The following AKT1 variants were observed in gnomAD, a reference collection of about 807,000 sequenced individuals.
AKT1 encodes AKT serine/threonine kinase 1.
A neutral mutation model predicts 63.1 loss-of-function variants in AKT1; 21 were observed. The ratio of observed to expected loss-of-function variants is 0.33; its 90% CI spans 0.24 to 0.48. The LOEUF is 0.48. AKT1 is among the 20% of genes least tolerant of loss of function. The probability of loss-of-function intolerance (pLI) is 0.99; values close to 1 mark genes in which losing one functional copy is unlikely to be tolerated. For synonymous variants in AKT1, 257 were observed against 253.1 expected (o/e 1.02, Z -0.15); for missense variants, 382 against 666.0 (o/e 0.57, Z 4.69).
intron 3 of AKT1, among the ~76,000 whole-genome samples, chr14:104,790,666 C>T (rs1893583104): frequency 6.6e-6 from 1 of 152,230 alleles, no homozygotes; most frequent in South Asian, 2.1e-4. Flanking sequence ...CACGCCACCT[C>T]CCATCCTCAG....
At chr14:104,787,265 G>A (rs1893380950) in intron 3 of AKT1, among the ~76,000 whole-genome samples, 2 of 152,160 alleles carry the variant, frequency 1.3e-5, no homozygotes, top group African/African-American at 2.4e-5. Flanking sequence ...GGAAGTAAGG[G>A]GCCTAGGGTT....
chr14:104,780,330 CA>C (rs1367668088), intron 3 of AKT1, 114 bp from the exon 4 acceptor site: 6 of 1,432,566 alleles, frequency 4.2e-6, no homozygotes, highest in South Asian at 1.3e-5. Flanking sequence ...GCCTGAGTCC[CA>C]GGGGGCAGGC....
chr14:104,782,565 G>C (rs543772183), intron 3 of AKT1, among the ~76,000 whole-genome samples: 3 of 152,302 alleles, frequency 2.0e-5, no homozygotes, highest in South Asian at 2.1e-4. Context: ...ACCAGGCGTG[G>C]GGGGTGGGAG....
rs1165092690 is a variant in AKT1 at position 104,773,544 on chromosome 14, C to T, written c.739G>A (p.Glu247Lys). Residue 247 changes from glutamate (E) to lysine (K), a missense_variant, in exon 10 of 15, where the codon GAG (glutamate) becomes AAG (lysine). Coordinates refer to ENST00000649815, the MANE Select transcript of AKT1 (RefSeq NM_001382430.1). ...FHLSRERVFSEDRARFYGAEI... is the reference protein window; with the variant it reads ...FHLSRERVFSKDRARFYGAEI... ...GCGCCATAGAAGCGGGCCCGGTCCT[C>T]GGAGAACACACGCTCCCGGGACAGG... 8.1e-6 allele frequency: 13 copies of T among 1,611,366 alleles called. No individual in the cohort carries two copies. Among genetic ancestry groups the T allele is most frequent in the East Asian group, 2.2e-5 (1 of 44,744 alleles).
rs17846832 is a variant in AKT1, at chr14:104,772,299, G to C, written c.1260+66C>G. On this transcript the variant is annotated intron_variant, in intron 13 of 14. Coordinates refer to ENST00000649815, the MANE Select transcript of AKT1 (RefSeq NM_001382430.1). ...GTGGGAAATCTGGCGAGCGTGCCAC[G>C]TGCATGCGTGAGTGTGGATATGTGG... The C allele has an allele frequency of 0.068, 105,409 of 1,540,434 alleles. 4,120 individuals are homozygous for C. Among genetic ancestry groups the C allele is most frequent in the South Asian group, 0.11 (10,068 of 89,250 alleles).
At chr14:104,775,387 C>T (rs977623676) in intron 6 of AKT1, 180 bp from the exon 7 acceptor site, 14 of 1,227,376 alleles carry the variant, frequency 1.1e-5, no homozygotes, top group Admixed American at 2.6e-5. Context: ...CACATGGCTG[C>T]GGCCCCAGCT....
At chr14:104,773,156 G>T (rs1253283768) in intron 11 of AKT1, 64 bp from the exon 12 acceptor site, 16 of 1,610,084 alleles carry the variant, frequency 9.9e-6, no homozygotes, top group Admixed American at 3.3e-5. Context: ...GCCGGGGGAG[G>T]TGTGACGTGC....
intron 13 of AKT1, chr14:104,771,999 G>A: frequency 2.3e-6 from 1 of 425,898 alleles, no homozygotes. Flanking sequence ...GGAGGCCAAG[G>A]GGCAGCACCC....
chr14:104,777,584 A>AC (rs1456536854), intron 4 of AKT1: 1 of 1,006,724 alleles, frequency 9.9e-7, no homozygotes, highest in African/African-American at 1.7e-5. Flanking sequence ...GCACAGCCAC[A>AC]CCTACAGCAC....
rs573258835 is a variant in AKT1 at position 104,774,864 on chromosome 14, A to G, written c.633+74T>C. ...CCTCACGTGCCCAAGAAGACAGGAC[A>G]TCGTCCCCTAGAGACAGCCCCAGGA... On this transcript the variant is annotated intron_variant, in intron 8 of 14. Transcript: ENST00000649815. 4.7e-6 allele frequency: 7 copies of G among 1,500,426 alleles called. No individual in the cohort carries two copies. In the East Asian group the frequency reaches 6.8e-5, roughly 15 times the overall value. The allele number at this position is 1,500,426 out of a possible 1,614,324, so 92.9% of individuals were successfully genotyped here.
intron 3 of AKT1, among the ~76,000 whole-genome samples, chr14:104,785,242 C>A (rs116279834): frequency 6.6e-6 from 1 of 152,276 alleles, no homozygotes; most frequent in Admixed American, 6.5e-5. Context: ...CACAGCTCAC[C>A]GCGAAGGGCC....
chr14:104,777,741 T>C, intron 4 of AKT1: 2 of 985,376 alleles, frequency 2.0e-6, no homozygotes, highest in Non-Finnish European at 2.4e-6. Context: ...CCTCTGACAT[T>C]CCAGCATCGA....
chr14:104,793,213 G>A lies in AKT1; in HGVS notation c.-166C>T, dbSNP rs147187121. 1.0e-4 allele frequency: 19 copies of A among 185,758 alleles called. 1 individual carries two copies. Among genetic ancestry groups the A allele is most frequent in the Middle Eastern group, 2.1e-3 (1 of 468 alleles). The allele number at this position is 185,758 out of a possible 1,614,324, so 11.5% of individuals were successfully genotyped here. ...CTGGCTCGGCCTTCCCTAAGCCCCTGGTGACAGATGGCCCCGTTTGCTCTC... is the reference window on the plus strand; with the variant it reads ...CTGGCTCGGCCTTCCCTAAGCCCCTAGTGACAGATGGCCCCGTTTGCTCTC... On this transcript the variant is annotated 5_prime_UTR_variant, in exon 2 of 15. Transcript: ENST00000649815.
Position 104,774,974 on chromosome 14 carries a change from G to A in AKT1, c.597C>T (p.Asn199=), listed in dbSNP as rs1379261324. The change falls in exon 8 of 15, where the codon AAC becomes AAT. Residue 199 remains asparagine, a synonymous_variant. Coordinates refer to ENST00000649815, the MANE Select transcript of AKT1 (RefSeq NM_001382430.1). ...KDEVAHTLTE[N]RVLQNSRHPF... Reference sequence around the variant, plus strand: ...GGTGCCTGGAGTTCTGCAGGACGCGGTTCTCGGTGAGTGTGTGGGCCACCT... The same window carrying A: ...GGTGCCTGGAGTTCTGCAGGACGCGATTCTCGGTGAGTGTGTGGGCCACCT... 6.2e-7 allele frequency: 1 copy of A among 1,613,088 alleles called. No homozygotes were observed.
chr14:104,776,745 C>CCG lies in AKT1; in HGVS notation c.199_200dup (p.Pro68GlyfsTer79). 1.2e-6 allele frequency: 2 copies of CCG among 1,613,238 alleles called. No homozygotes were observed. Among genetic ancestry groups the CCG allele is most frequent in the Non-Finnish European group, 8.5e-7 (1 of 1,179,838 alleles). On this transcript the variant is annotated frameshift_variant, in exon 5 of 15. Coordinates refer to ENST00000649815, the MANE Select transcript of AKT1 (RefSeq NM_001382430.1). LOFTEE classifies it high-confidence loss of function. ...GGATGATGAAGGTGTTGGGCCGGGG[C>CCG]CGCTCCGTCTTCATCAGCTGGCACT... is the stretch of plus-strand genomic sequence containing the variant.
chr14:104,794,155 G>C (rs61757057), intron 1 of AKT1: 2,287 of 152,530 alleles, frequency 0.015, 31 homozygotes, highest in Middle Eastern at 0.068. Flanking sequence ...TAGCAGGATG[G>C]AAAGCAGGCC....
chr14:104,776,290 G>A (rs1022074959), intron 5 of AKT1: 5 of 216,352 alleles, frequency 2.3e-5, no homozygotes, highest in African/African-American at 9.3e-5. Flanking sequence ...GGGATTACAG[G>A]TGTGCACCAC....
intron 3 of AKT1, among the ~76,000 whole-genome samples, chr14:104,788,168 C>A (rs955131224): frequency 3.3e-5 from 5 of 152,186 alleles, no homozygotes; most frequent in Non-Finnish European, 5.9e-5. Context: ...TGGCACTAAC[C>A]AGCCCAGGGC....
In AKT1 at chr14:104,772,331, T is replaced by C. The variant is rs372559003; in HGVS notation, c.1260+34A>G. The C allele has an allele frequency of 4.4e-6, 7 of 1,608,948 alleles. No homozygotes were observed. In the African/African-American group the frequency reaches 8.0e-5, roughly 18 times the overall value. Reference sequence around the variant, plus strand: ...CGTGAGTGTGGATATGTGGGGAGCATGCGTGCGCGTGAATATGCGGGGAGC... The same window carrying C: ...CGTGAGTGTGGATATGTGGGGAGCACGCGTGCGCGTGAATATGCGGGGAGC... On this transcript the variant is annotated intron_variant, in intron 13 of 14. Coordinates refer to ENST00000649815, the MANE Select transcript of AKT1 (RefSeq NM_001382430.1).
Sources: gnomAD v4.1 joint callset for allele counts (sites outside exome capture counted in the v4.1 genomes callset) on GRCh38, gnomAD v4.1.1 for gene constraint, MANE v1.5 for transcripts, NCBI Gene and HGNC (gene_info 2026-07-23, HGNC 2026-07-21) for gene names.